Variants in ZNF124 observed in about 807,000 individuals in gnomAD.
The protein encoded by ZNF124 is zinc finger protein 124.
Under a neutral mutation model 26.6 loss-of-function variants are expected in ZNF124, and 25 were observed. The ratio of observed to expected loss-of-function variants is 0.94; its 90% CI spans 0.68 to 1.31. The LOEUF (loss-of-function observed/expected upper bound fraction) is 1.31, where lower values mean the gene tolerates loss of function less well. Among genes scored for constraint, ZNF124 ranks in the 40% most tolerant of loss-of-function variants. ZNF124 has a pLI of 0.00. For missense variants in ZNF124, 444 were observed against 422.2 expected (o/e 1.05, Z -0.45); for synonymous variants, 129 against 133.3 (o/e 0.97, Z 0.22).
In ZNF124 at chr1:247,125,060, C is replaced by T. The variant is rs1672174740; in HGVS notation, c.219-1189G>A. ...TCAAGTGATCCACCTGCCTACGCCTCCCAAAGTGCTGGGATTACAGGCATG... is the reference window on the plus strand; with the variant it reads ...TCAAGTGATCCACCTGCCTACGCCTTCCAAAGTGCTGGGATTACAGGCATG... On this transcript the variant is annotated intron_variant, in intron 3 of 3. Transcript: ENST00000472531. Among the ~76,000 whole-genome samples, 3 of 152,280 alleles carry T rather than the reference C, an allele frequency of 2.0e-5. No individual in the cohort carries two copies. In the East Asian group the frequency reaches 5.8e-4, roughly 29 times the overall value.
chr1:247,157,578 A>G, intron 3 of ZNF124, 175 bp from the exon 4 acceptor site: 1 of 638,968 alleles, frequency 1.6e-6, no homozygotes, highest in Non-Finnish European at 2.8e-6. Context: ...AAAAAATGAC[A>G]ACCCCATCAT....
At chr1:247,160,017 C>T in intron 1 of ZNF124, 1 of 494,390 alleles carries the variant, frequency 2.0e-6, no homozygotes. Flanking sequence ...GACGGAGTCT[C>T]ACTCTGTTGC....
At chr1:247,164,449 A>G (rs1201295797) in intron 1 of ZNF124, among the ~76,000 whole-genome samples, 1 of 152,242 alleles carries the variant, frequency 6.6e-6, no homozygotes, top group Non-Finnish European at 1.5e-5. Context: ...GAGCATTTCT[A>G]TACACGAATA....
In ZNF124 at chr1:247,168,127, G is replaced by A. The variant is rs1007720996; in HGVS notation, c.30+3721C>T. On this transcript the variant is annotated intron_variant, in intron 1 of 3. Transcript: ENST00000543802. This position sits in a 1 kb window ranked among gnomAD's most constrained non-coding sequence, Gnocchi z 4.0. Reference sequence around the variant, plus strand: ...GATGGGAGTGTCAACTAGTACAACCGCCATGGAAAACAGTATGAAGATTCC... The same window carrying A: ...GATGGGAGTGTCAACTAGTACAACCACCATGGAAAACAGTATGAAGATTCC... Among the ~76,000 whole-genome samples, 5 of 152,126 alleles carry A rather than the reference G, an allele frequency of 3.3e-5. No homozygotes were observed. Among genetic ancestry groups the A allele is most frequent in the East Asian group, 3.9e-4 (2 of 5,184 alleles).
At chr1:247,134,458 A>T (rs1362773978) in intron 3 of ZNF124, among the ~76,000 whole-genome samples, 2 of 152,230 alleles carry the variant, frequency 1.3e-5, no homozygotes, top group Admixed American at 1.3e-4. Context: ...TTGCAATCCT[A>T]GTCTCTGACA....
downstream of ZNF124, among the ~76,000 whole-genome samples, chr1:247,152,987 G>A (rs1189266450): frequency 6.6e-6 from 1 of 152,072 alleles, no homozygotes; most frequent in Non-Finnish European, 1.5e-5. Flanking sequence ...CAAAAAATTA[G>A]CTGGGTGTGC....
chr1:247,152,835 T>A (rs994096322), downstream of ZNF124, among the ~76,000 whole-genome samples: 1 of 152,198 alleles, frequency 6.6e-6, no homozygotes, highest in Admixed American at 6.5e-5. Flanking sequence ...AACAAACATA[T>A]ACAACCCATG....
In ZNF124 at chr1:247,125,357, G is replaced by A. The variant is rs185423685; in HGVS notation, c.219-1486C>T. On this transcript the variant is annotated intron_variant, in intron 3 of 3. Transcript: ENST00000472531. ...CCAGACTGTTTTCCAGAGTGGCTGC[G>A]CCATTATGCAATCCCACCAGCAGGG... Among the ~76,000 whole-genome samples, 737 of 149,378 alleles carry A rather than the reference G, an allele frequency of 4.9e-3. 11 individuals are homozygous for A. Among genetic ancestry groups the A allele is most frequent in the African/African-American group, 0.017 (705 of 40,570 alleles).
Position 247,159,800 on chromosome 1 carries a change from A to G in ZNF124, c.44T>C (p.Phe15Ser), listed in dbSNP as rs758676153. Residue 15 changes from phenylalanine (F) to serine (S), a missense_variant, in exon 2 of 4, where the codon TTT (phenylalanine) becomes TCT (serine). Physicochemically the swap from Phe to Ser is radical, Grantham distance 155 (BLOSUM62 -2). Transcript: ENST00000543802. The stretch of plus-strand genomic sequence containing the variant: ...GGTGAAGTTCACAGCCACATCCTCA[A>G]AGGCAACCGAGTTCTAAAATATTCC... ...PGSWEMNSVA[F>S]EDVAVNFTQE... is the part of the protein sequence containing the mutation. 2.5e-6 allele frequency: 4 copies of G among 1,611,848 alleles called. No homozygotes were observed. The highest frequency in any genetic ancestry group is 3.4e-6 in the Non-Finnish European group (4 of 1,179,534).
chr1:247,139,967 C>G (rs1672583690), intron 3 of ZNF124, among the ~76,000 whole-genome samples: 1 of 152,004 alleles, frequency 6.6e-6, no homozygotes, highest in Admixed American at 6.6e-5. Context: ...TATTGTGTGT[C>G]TTGGGGATGA....
At chr1:247,132,095 C>T (rs527964155) in intron 3 of ZNF124, among the ~76,000 whole-genome samples, 3 of 152,308 alleles carry the variant, frequency 2.0e-5, no homozygotes, top group Admixed American at 6.5e-5. Context: ...TTGCTCTTCT[C>T]TAGCCTCCTT....
At chr1:247,150,332 G>T (rs1672895459), downstream of ZNF124, among the ~76,000 whole-genome samples, 1 of 152,152 alleles carries the variant, frequency 6.6e-6, no homozygotes, top group African/African-American at 2.4e-5. Flanking sequence ...AACTACCATT[G>T]ACTCTTTGGT....
At chr1:247,125,202 G>A (rs952019719) in intron 3 of ZNF124, among the ~76,000 whole-genome samples, 2 of 152,098 alleles carry the variant, frequency 1.3e-5, no homozygotes, top group African/African-American at 2.4e-5. Context: ...TGGCTGTTAC[G>A]AATGCTGCTG....
rs377202897 is a variant in ZNF124, at chr1:247,169,696, C to G, written c.30+2152G>C. Among the ~76,000 whole-genome samples, 860 of 145,600 alleles carry G rather than the reference C, an allele frequency of 5.9e-3. 1 individual carries two copies. The highest frequency in any genetic ancestry group is 0.015 in the African/African-American group (563 of 37,808). On this transcript the variant is annotated intron_variant, in intron 1 of 3. Transcript: ENST00000543802. ...CCTTGTACTTTGGAATAGCTGTTCT[C>G]CCTTCACAAGCATGAGACAATCCAG...
intron 1 of ZNF124, among the ~76,000 whole-genome samples, chr1:247,170,649 T>C (rs1674057979): frequency 7.0e-6 from 1 of 143,670 alleles, no homozygotes; most frequent in African/African-American, 2.8e-5. Flanking sequence ...GCTCCCCAAG[T>C]GAGCAATTCC....
intron 3 of ZNF124, among the ~76,000 whole-genome samples, chr1:247,139,974 A>G (rs1164273272): frequency 1.3e-5 from 2 of 151,980 alleles, no homozygotes; most frequent in Non-Finnish European, 2.9e-5. Flanking sequence ...TGTCTTGGGG[A>G]TGATTTTATT....
At chr1:247,142,948 GTGTT>G (rs67657975) in intron 3 of ZNF124, among the ~76,000 whole-genome samples, 11,623 of 151,212 alleles carry the variant, frequency 0.077, 639 homozygotes, top group East Asian at 0.28. Context: ...AATTATTTTG[GTGTT>G]TGTTTTGTTC....
chr1:247,128,629 T>TTC (rs1672272180), intron 3 of ZNF124, among the ~76,000 whole-genome samples: 1 of 146,008 alleles, frequency 6.8e-6, no homozygotes, highest in East Asian at 2.3e-4. Flanking sequence ...GATTTTTTTT[T>TTC]TTCTCTTACC....
downstream of ZNF124, among the ~76,000 whole-genome samples, chr1:247,150,166 T>A (rs1672891945): frequency 6.6e-6 from 1 of 152,358 alleles, no homozygotes; most frequent in East Asian, 1.9e-4. Context: ...GATACTGATT[T>A]TGTAACAATT....
Sources: allele counts gnomAD v4.1 joint callset (sites outside exome capture counted in the v4.1 genomes callset), GRCh38; gene constraint gnomAD v4.1.1; non-coding constraint Gnocchi (gnomAD v3.1); transcripts MANE v1.5; gene names NCBI Gene and HGNC (gene_info 2026-07-23, HGNC 2026-07-21).